Variants in GON4L observed in about 807,000 individuals in gnomAD.
The protein encoded by GON4L is gon-4 like.
In GON4L, 87 loss-of-function variants were observed where a neutral mutation model predicts 211.8. The ratio of observed to expected loss-of-function variants is 0.41; its 90% confidence interval spans 0.35 to 0.49. The LOEUF is 0.49. Among genes scored for constraint, GON4L ranks in the 20% least tolerant of loss-of-function variants. The pLI, the probability that GON4L is intolerant of heterozygous loss-of-function variation, is 0.15. For missense variants in GON4L, 2,155 were observed against 2,659.5 expected, an observed-to-expected ratio of 0.81 and a Z score of 4.17; for synonymous variants, 875 against 962.6, an observed-to-expected ratio of 0.91 and a Z score of 1.68.
Position 155,777,611 on chromosome 1 carries a change from A to G in GON4L, c.2091+11T>C. The G allele has an allele frequency of 3.1e-6, 5 of 1,604,902 alleles. No individual in the cohort carries two copies. The highest frequency in any genetic ancestry group is 1.7e-5 in the Admixed American group (1 of 59,954). ...AAAATCCAATGTTAACATGACCAAG[A>G]AAAGTCCTACCTGCTGCATCTGCTG... is the stretch of plus-strand genomic sequence containing the variant. On this transcript the variant is annotated intron_variant, in intron 15 of 31. Coordinates refer to ENST00000368331, the MANE Select transcript of GON4L (RefSeq NM_001282860.2).
At chr1:155,795,322 G>A (rs915124657) in intron 11 of GON4L, among the ~76,000 whole-genome samples, 171 bp from the exon 12 acceptor site, 1 of 151,960 alleles carries the variant, frequency 6.6e-6, no homozygotes, top group African/African-American at 2.4e-5. Context: ...CACCTCCCGG[G>A]CTCAAGTGAT....
chr1:155,853,877 C>T, intron 1 of GON4L, 71 bp from the exon 2 acceptor site: 1 of 973,112 alleles, frequency 1.0e-6, no homozygotes, highest in Non-Finnish European at 1.6e-6. Context: ...ATTATCTTTT[C>T]ATTTATTCAT....
At chr1:155,784,222 A>G in intron 13 of GON4L, 133 bp from the exon 14 acceptor site, 2 of 1,266,136 alleles carry the variant, frequency 1.6e-6, no homozygotes, top group Non-Finnish European at 1.1e-6. Context: ...AGCCAATGTC[A>G]GAACTTTCTC....
At chr1:155,817,894 C>G (rs907295397) in intron 6 of GON4L, among the ~76,000 whole-genome samples, 1 of 146,524 alleles carries the variant, frequency 6.8e-6, no homozygotes, top group African/African-American at 2.5e-5. Flanking sequence ...GGCCACTGTA[C>G]TCTAGCCTGA....
intron 25 of GON4L, 54 bp from the exon 26 acceptor site, chr1:155,757,377 C>T: frequency 1.3e-6 from 2 of 1,509,186 alleles, no homozygotes; most frequent in Non-Finnish European, 1.8e-6. Flanking sequence ...TCTAGGCTGC[C>T]CTTCCCAATC....
At chr1:155,792,212 C>G (rs1180013830) in intron 12 of GON4L, among the ~76,000 whole-genome samples, 1 of 152,070 alleles carries the variant, frequency 6.6e-6, no homozygotes, top group Admixed American at 6.6e-5. Flanking sequence ...CCACATGGAG[C>G]TTTTCAAACT....
At chr1:155,772,896 T>C (rs986710018) in intron 18 of GON4L, among the ~76,000 whole-genome samples, 170 bp downstream of exon 18, 7 of 152,202 alleles carry the variant, frequency 4.6e-5, no homozygotes, top group Non-Finnish European at 1.0e-4. Context: ...TATTTGGCAC[T>C]GCTAGAACAA....
intron 2 of GON4L, among the ~76,000 whole-genome samples, chr1:155,830,650 G>A (rs769874755): frequency 1.3e-5 from 2 of 152,044 alleles, no homozygotes; most frequent in African/African-American, 4.8e-5. Context: ...GCAGTGGTAC[G>A]ATCTCAGCTC....
At chr1:155,793,912 A>G (rs2101984364) in intron 12 of GON4L, among the ~76,000 whole-genome samples, 1 of 152,178 alleles carries the variant, frequency 6.6e-6, no homozygotes, top group East Asian at 1.9e-4. Flanking sequence ...TCCTAGCTCA[A>G]TGATATAATT....
Position 155,853,556 on chromosome 1 carries a change from AT to A in GON4L, c.224del (p.Asp75ValfsTer4). 6.2e-7 allele frequency: 1 copy of A among 1,614,172 alleles called. No homozygotes were observed. Among genetic ancestry groups the A allele is most frequent in the Non-Finnish European group, 8.5e-7 (1 of 1,180,016 alleles). The stretch of plus-strand genomic sequence containing the variant: ...TGAGCATTCCAGAGCTCAGAGATGT[AT>A]CCTCCATACCAAGCTGATTTCCTGC... ...QDAGNQLGME[D>X]TSLSSGMLTQ... On this transcript the variant is annotated frameshift_variant, in exon 2 of 32. Coordinates refer to ENST00000368331, the MANE Select transcript of GON4L (RefSeq NM_001282860.2). LOFTEE classifies it high-confidence loss of function.
At chr1:155,769,478 C>T (rs568982681) in intron 19 of GON4L, among the ~76,000 whole-genome samples, 2 of 151,856 alleles carry the variant, frequency 1.3e-5, no homozygotes, top group Admixed American at 6.6e-5. Flanking sequence ...GAGAGCAACA[C>T]GCTTAGAGTG....
chr1:155,785,488 C>A, intron 12 of GON4L, 114 bp from the exon 13 acceptor site: 1 of 803,548 alleles, frequency 1.2e-6, no homozygotes, highest in Non-Finnish European at 2.2e-6. Flanking sequence ...TTCTTCATAT[C>A]TATCCTTCTT....
At chr1:155,813,906 T>C (rs901586305) in intron 9 of GON4L, 102 bp from the exon 10 acceptor site, 4 of 868,918 alleles carry the variant, frequency 4.6e-6, no homozygotes, top group East Asian at 2.6e-5. Flanking sequence ...AGACTTTCCA[T>C]ACACCATTGT....
chr1:155,745,445 G>T (rs1160311637), downstream of GON4L, among the ~76,000 whole-genome samples: 2 of 152,210 alleles, frequency 1.3e-5, no homozygotes, highest in East Asian at 3.8e-4. Context: ...TTTCATTTTT[G>T]CCCGGGGAGC....
chr1:155,814,447 G>C lies in GON4L; in HGVS notation c.1164C>G (p.Ser388Arg). Residue 388 changes from serine to arginine, a missense_variant and splice_region_variant, in exon 9 of 32, where the codon AGC becomes AGG. By Grantham distance (110) the Ser-to-Arg change is moderately radical (BLOSUM62 -1). Coordinates refer to ENST00000368331, the MANE Select transcript of GON4L (RefSeq NM_001282860.2). The part of the protein sequence containing the change: ...DEEEDETAEE[S>R]LLESDVESTA... ...TGCTTTCAACATCACTTTCCAATAA[G>C]CTCTACAAAATAAATCCAGTTCGCC... The C allele has an allele frequency of 6.2e-7, 1 of 1,613,548 alleles. No individual in the cohort carries two copies. The highest frequency in any genetic ancestry group is 2.2e-5 in the East Asian group (1 of 44,878).
In GON4L at chr1:155,820,563, C is replaced by T. The variant is rs759787036; in HGVS notation, c.1014+43G>A. On this transcript the variant is annotated intron_variant, in intron 6 of 31. Transcript: ENST00000368331. ...CTATGGGTGAATTAGATCCTATTCA[C>T]CAAGCTAAAAAAAAACCAACAACAA... 3.6e-6 allele frequency: 5 copies of T among 1,387,276 alleles called. No individual in the cohort carries two copies. The African/African-American group carries it at 5.7e-5, about 16-fold the overall frequency. 85.9% of individuals were successfully genotyped at this position (1,387,276 alleles called of 1,614,324 possible).
At chr1:155,780,418 CCT>C (rs762308794) in intron 14 of GON4L, among the ~76,000 whole-genome samples, 2 of 151,738 alleles carry the variant, frequency 1.3e-5, no homozygotes, top group South Asian at 2.1e-4. Context: ...ATGGCGAAAC[CCT>C]GTCTCTATGA....
intron 11 of GON4L, among the ~76,000 whole-genome samples, chr1:155,799,687 T>C (rs953344226): frequency 3.3e-5 from 5 of 152,122 alleles, no homozygotes; most frequent in African/African-American, 1.2e-4. Context: ...ATCCATACAC[T>C]CTTCAATTCT....
downstream of GON4L, chr1:155,747,854 A>G: frequency 1.3e-6 from 2 of 1,594,368 alleles, no homozygotes; most frequent in Non-Finnish European, 1.7e-6. Context: ...CAGGGCGGGG[A>G]ATAATAACTT....
Sources: allele counts gnomAD v4.1 joint callset (sites outside exome capture counted in the v4.1 genomes callset), GRCh38; gene constraint gnomAD v4.1.1; transcripts MANE v1.5; gene names NCBI Gene and HGNC (gene_info 2026-07-23, HGNC 2026-07-21).